ANKRD30A: variants seen among roughly 807,000 people sequenced by gnomAD.
The protein encoded by ANKRD30A is ankyrin repeat domain 30A.
In ANKRD30A, 170 loss-of-function variants were observed where a neutral mutation model predicts 166.3. That is an observed-to-expected ratio of 1.02 (90% CI 0.90 to 1.16). The LOEUF (loss-of-function observed/expected upper bound fraction) is 1.16, where lower values mean the gene tolerates loss of function less well. Ranked by LOEUF, ANKRD30A falls within the 50% of genes most tolerant of loss-of-function variation. The pLI is 0.00. For missense variants in ANKRD30A, 1,630 were observed against 1,518.0 expected, an observed-to-expected ratio of 1.07 and a Z score of -1.23; for synonymous variants, 564 against 508.9, an observed-to-expected ratio of 1.11 and a Z score of -1.46.
the ANKRD30A span, among the ~76,000 whole-genome samples, chr10:37,248,698 C>CTT: frequency 6.5e-5 from 9 of 137,844 alleles, no homozygotes; most frequent in African/African-American, 1.1e-4. Flanking sequence ...TCACGAGTCA[C>CTT]TTTTTTTTTT....
intron 25 of ANKRD30A, among the ~76,000 whole-genome samples, chr10:37,191,606 T>A (rs1164606068): frequency 6.6e-6 from 1 of 152,036 alleles, no homozygotes; most frequent in Non-Finnish European, 1.5e-5. Context: ...ATTAACACTT[T>A]TTGCAAAAAT....
rs368316641 is a variant in ANKRD30A, at chr10:37,145,032, T to C, written c.1431T>C (p.Asp477=). 1.7e-5 allele frequency: 27 copies of C among 1,600,010 alleles called. No individual in the cohort carries two copies. In the African/African-American group the frequency reaches 3.5e-4, roughly 21 times the overall value. The change falls in exon 8 of 36, where the codon GAT becomes GAC. Residue 477 remains aspartate (D), a synonymous_variant. Transcript: ENST00000361713. The part of the protein sequence containing the change: ...RFPSESKQEE[D]EEYSCDSRSL... The stretch of plus-strand genomic sequence containing the variant: ...CATCAGAATCCAAACAAGAGGAAGA[T>C]GAAGAATATTCTTGTGATTCTCGGG...
At chr10:37,194,633 C>G (rs992499006) in intron 27 of ANKRD30A, among the ~76,000 whole-genome samples, 1 of 152,134 alleles carries the variant, frequency 6.6e-6, no homozygotes, top group Non-Finnish European at 1.5e-5. Flanking sequence ...GCGTGAGGCA[C>G]CGTGCCCGGC....
At chr10:37,142,594 T>TG (rs1837223565) in intron 7 of ANKRD30A, among the ~76,000 whole-genome samples, 1 of 135,778 alleles carries the variant, frequency 7.4e-6, no homozygotes, top group Admixed American at 7.4e-5. Context: ...TTTTTTTTTT[T>TG]TTTTTTGTGA....
intron 15 of ANKRD30A, among the ~76,000 whole-genome samples, chr10:37,161,008 C>T (rs991299037): frequency 2.6e-5 from 4 of 152,176 alleles, no homozygotes; most frequent in African/African-American, 7.2e-5. Flanking sequence ...AATCCCAGCA[C>T]GTTGGGAGGC....
Position 37,130,279 on chromosome 10 carries a change from G to T in ANKRD30A, c.411G>T (p.Val137=). ...GTGCCGATATAAATCTCGTAGATGT[G>T]TATGGCAACACGGCTCTCCATTATG... is the stretch of plus-strand genomic sequence containing the variant. The part of the protein sequence containing the change: ...DSGADINLVD[V]YGNTALHYAV... Residue 137 remains valine, a synonymous_variant, in exon 3 of 36, where the codon GTG becomes GTT. Coordinates refer to ENST00000361713, the MANE Select transcript of ANKRD30A (RefSeq NM_052997.3). 6.2e-7 allele frequency: 1 copy of T among 1,605,642 alleles called. No individual in the cohort carries two copies. Among genetic ancestry groups the T allele is most frequent in the Non-Finnish European group, 8.5e-7 (1 of 1,176,212 alleles).
chr10:37,229,319 C>T (rs538899869), intron 34 of ANKRD30A, among the ~76,000 whole-genome samples: 2 of 151,726 alleles, frequency 1.3e-5, no homozygotes, highest in East Asian at 1.9e-4. Context: ...TAAGTTTGGC[C>T]CATGTTATTA....
intron 15 of ANKRD30A, among the ~76,000 whole-genome samples, chr10:37,162,074 C>G (rs897928810): frequency 3.3e-5 from 5 of 151,836 alleles, no homozygotes; most frequent in African/African-American, 9.7e-5. Flanking sequence ...TGAGTGGATC[C>G]AGAAGCATTC....
intron 18 of ANKRD30A, among the ~76,000 whole-genome samples, chr10:37,165,801 C>T (rs1473278674): frequency 2.6e-5 from 4 of 152,078 alleles, no homozygotes; most frequent in African/African-American, 9.7e-5. Context: ...GCATGAGCGT[C>T]AAATCATAGT....
At chr10:37,162,895 G>A in intron 17 of ANKRD30A, 47 bp downstream of exon 17, 4 of 1,592,430 alleles carry the variant, frequency 2.5e-6, no homozygotes, top group East Asian at 2.2e-5. Flanking sequence ...TTCAATATTG[G>A]ACATTTTGAT....
chr10:37,201,285 A>G lies in ANKRD30A; in HGVS notation c.2829A>G (p.Thr943=). Residue 943 remains threonine, a synonymous_variant, in exon 31 of 36, where the codon ACA becomes ACG. Coordinates refer to ENST00000361713, the MANE Select transcript of ANKRD30A (RefSeq NM_052997.3). ...SQKDVCVPKA[T]HQKEMDKISG... is the part of the protein sequence containing the mutation. Reference sequence around the variant, plus strand: ...AGGATGTGTGTGTACCCAAGGCTACACATCAAAAAGAAATGGATAAAATAA... The same window carrying G: ...AGGATGTGTGTGTACCCAAGGCTACGCATCAAAAAGAAATGGATAAAATAA... 1 of 1,596,276 alleles carries G rather than the reference A, an allele frequency of 6.3e-7. No individual in the cohort carries two copies.
the ANKRD30A span, among the ~76,000 whole-genome samples, chr10:37,244,342 A>G: frequency 1.3e-5 from 2 of 152,204 alleles, no homozygotes; most frequent in East Asian, 3.9e-4. Context: ...CACCACGTAG[A>G]CACATCAGTT....
intron 31 of ANKRD30A, among the ~76,000 whole-genome samples, chr10:37,208,963 T>A (rs1043159642): frequency 5.3e-5 from 8 of 152,304 alleles, no homozygotes; most frequent in Non-Finnish European, 8.8e-5. Context: ...GATAATGTCA[T>A]TTTTAGAAAT....
At chr10:37,150,684 GT>G (rs1401255252) in intron 11 of ANKRD30A, among the ~76,000 whole-genome samples, 1 of 151,902 alleles carries the variant, frequency 6.6e-6, no homozygotes, top group Admixed American at 6.6e-5. Context: ...AATTAACTGT[GT>G]TTTTTAATAT....
chr10:37,264,116 T>C, the ANKRD30A span, among the ~76,000 whole-genome samples: 2 of 152,150 alleles, frequency 1.3e-5, no homozygotes, highest in South Asian at 2.1e-4. Flanking sequence ...AACAGAACAA[T>C]TGAAGTCCCA....
At chr10:37,191,566 C>T (rs2132657165) in intron 25 of ANKRD30A, among the ~76,000 whole-genome samples, 1 of 152,116 alleles carries the variant, frequency 6.6e-6, no homozygotes, top group South Asian at 2.1e-4. Flanking sequence ...GATCAGTTTT[C>T]TCCTTATCAG....
At chr10:37,249,720 AGGACTTAAAG>A in the ANKRD30A span, among the ~76,000 whole-genome samples, 1 of 152,192 alleles carries the variant, frequency 6.6e-6, no homozygotes, top group African/African-American at 2.4e-5. Flanking sequence ...TGAGTAGATC[AGGACTTAAAG>A]GGTGGAAGAT....
chr10:37,265,063 C>T, the ANKRD30A span, among the ~76,000 whole-genome samples: 1 of 152,164 alleles, frequency 6.6e-6, no homozygotes, highest in South Asian at 2.1e-4. Context: ...GCTGAGTCAT[C>T]TGTGGAAGTT....
the ANKRD30A span, among the ~76,000 whole-genome samples, chr10:37,265,675 T>C: frequency 6.6e-6 from 1 of 152,256 alleles, no homozygotes; most frequent in Admixed American, 6.5e-5. Flanking sequence ...ACTGAGTAGA[T>C]TGATGTTTGC....
Sources: allele counts gnomAD v4.1 joint callset (sites outside exome capture counted in the v4.1 genomes callset), GRCh38; gene constraint gnomAD v4.1.1; transcripts MANE v1.5; gene names NCBI Gene and HGNC (gene_info 2026-07-23, HGNC 2026-07-21).